The following GNAL variants were observed in gnomAD, a reference collection of about 807,000 sequenced individuals.
GNAL encodes the protein G protein subunit alpha L.
GNAL carries 18 observed loss-of-function variants against 55.1 expected under a neutral mutation model. The observed-to-expected ratio is 0.33, with a 90% CI of 0.23 to 0.48. The LOEUF (loss-of-function observed/expected upper bound fraction) is 0.48, where lower values mean the gene tolerates loss of function less well. GNAL is among the 20% of genes least tolerant of loss of function. The pLI is 0.99. For synonymous variants in GNAL, 253 were observed against 237.0 expected (o/e 1.07, Z -0.62); for missense variants, 412 against 614.1 (o/e 0.67, Z 3.48).
chr18:11,773,903 A>G (rs1005757541), intron 4 of GNAL, among the ~76,000 whole-genome samples: 3 of 152,198 alleles, frequency 2.0e-5, no homozygotes, highest in South Asian at 2.1e-4. Flanking sequence ...AGACTTTGCA[A>G]TTGGTCTCAC....
At chr18:11,840,493 G>C (rs753991973) in intron 5 of GNAL, among the ~76,000 whole-genome samples, 3 of 152,234 alleles carry the variant, frequency 2.0e-5, no homozygotes, top group Non-Finnish European at 4.4e-5. Flanking sequence ...CAGCAGAGGT[G>C]AACACTGATG....
intron 1 of GNAL, among the ~76,000 whole-genome samples, chr18:11,691,701 C>T (rs2031252921): frequency 1.3e-5 from 2 of 152,120 alleles, no homozygotes; most frequent in Non-Finnish European, 2.9e-5. Context: ...TTCCCAGCAT[C>T]ATTTATTAAA....
rs1189839787 is a variant in GNAL at position 11,753,679 on chromosome 18, C to T, written c.501C>T (p.Ile167=). The T allele has an allele frequency of 2.1e-5, 33 of 1,591,208 alleles. No individual in the cohort carries two copies. The highest frequency in any genetic ancestry group is 2.6e-5 in the Non-Finnish European group (30 of 1,159,326). ...TCCGGAAAAATGTTAAAGATGCTATCGTGGTAAGGACTTTTTTAAATGATT... is the reference window on the plus strand; with the variant it reads ...TCCGGAAAAATGTTAAAGATGCTATTGTGGTAAGGACTTTTTTAAATGATT... ...LDIRKNVKDA[I]VTIVSAMSTI... is the part of the protein sequence containing the mutation. Residue 167 remains isoleucine, a synonymous_variant, in exon 3 of 12, where the codon ATC becomes ATT. Transcript: ENST00000334049.
Position 11,751,765 on chromosome 18 carries a change from G to T in GNAL, c.377-1088G>T, listed in dbSNP as rs531550231. The T allele has an allele frequency of 5.0e-6, 3 of 604,934 alleles. No homozygotes were observed. The South Asian group carries it at 2.1e-4, about 43-fold the overall frequency. 37.5% of individuals were successfully genotyped at this position (604,934 alleles called of 1,614,324 possible). Reference sequence around the variant, plus strand: ...GTCAGCTCCCTGACCCCTACAGCGCGGTAGCGCCTCTCCGAGAGCTCCGGG... The same window carrying T: ...GTCAGCTCCCTGACCCCTACAGCGCTGTAGCGCCTCTCCGAGAGCTCCGGG... On this transcript the variant is annotated intron_variant, in intron 1 of 11. Transcript: ENST00000334049. This position sits in a 1 kb window ranked among gnomAD's most constrained non-coding sequence, Gnocchi z 4.5.
chr18:11,877,459 AAAAC>A, intron 11 of GNAL, among the ~76,000 whole-genome samples: 1 of 151,798 alleles, frequency 6.6e-6, no homozygotes, highest in South Asian at 2.1e-4. Flanking sequence ...TGTCTCAAAC[AAAAC>A]AAACAAAACT....
chr18:11,697,290 C>T (rs1345656359), intron 1 of GNAL, among the ~76,000 whole-genome samples: 1 of 152,000 alleles, frequency 6.6e-6, no homozygotes, highest in Non-Finnish European at 1.5e-5. Flanking sequence ...GTAATCCCAG[C>T]GCTTTGGGAG....
chr18:11,747,347 C>G (rs1401342187), intron 1 of GNAL: 1 of 187,698 alleles, frequency 5.3e-6, no homozygotes, highest in Non-Finnish European at 1.1e-5. Context: ...TAAGGTGTTA[C>G]AGGAATATGT....
intron 1 of GNAL, among the ~76,000 whole-genome samples, chr18:11,723,200 TA>T (rs910691758): frequency 1.3e-5 from 2 of 151,992 alleles, no homozygotes; most frequent in African/African-American, 4.8e-5. Flanking sequence ...AATAAAAAAA[TA>T]AAACGTTGTA....
rs2143866740 is a variant in GNAL at position 11,868,129 on chromosome 18, A to G, written c.911-414A>G. Among the ~76,000 whole-genome samples the G allele has an allele frequency of 6.6e-6, 1 of 152,076 alleles. No homozygotes were observed. The highest frequency in any genetic ancestry group is 3.4e-3 in the Middle Eastern group (1 of 294). On this transcript the variant is annotated intron_variant, in intron 8 of 11. Coordinates refer to ENST00000334049, the MANE Select transcript of GNAL (RefSeq NM_182978.4). This position sits in a 1 kb window ranked among gnomAD's most constrained non-coding sequence, Gnocchi z 4.0. Reference sequence around the variant, plus strand: ...AACAAGAGTGAAACTCTGTCTCGGAAGAAAATACAAAAATACAAAAATTAG... The same window carrying G: ...AACAAGAGTGAAACTCTGTCTCGGAGGAAAATACAAAAATACAAAAATTAG...
At chr18:11,859,163 C>T (rs200612044) in intron 5 of GNAL, among the ~76,000 whole-genome samples, 2 of 152,182 alleles carry the variant, frequency 1.3e-5, no homozygotes, top group East Asian at 3.9e-4. Context: ...CCTTCCAGCT[C>T]TTTTCATCAG....
rs1003295510 is a variant in GNAL, at chr18:11,884,668, A to G, written c.*3533A>G. 7.0e-6 allele frequency: 11 copies of G among 1,582,338 alleles called. No individual in the cohort carries two copies. The East Asian group carries it at 1.3e-4, about 19-fold the overall frequency. On this transcript the variant is annotated 3_prime_UTR_variant, in exon 12 of 12. Coordinates refer to ENST00000334049, the MANE Select transcript of GNAL (RefSeq NM_182978.4). Reference sequence around the variant, plus strand: ...GAAAGTTATGCTGAGAGCACCAGGCACACGTTGAACACCGCAGTCTTAGAA... The same window carrying G: ...GAAAGTTATGCTGAGAGCACCAGGCGCACGTTGAACACCGCAGTCTTAGAA...
At chr18:11,695,063 C>A (rs763541549) in intron 1 of GNAL, among the ~76,000 whole-genome samples, 20 of 151,956 alleles carry the variant, frequency 1.3e-4, no homozygotes, top group Non-Finnish European at 2.5e-4. Flanking sequence ...GGGGTTAGGG[C>A]TTCAACATAT....
At chr18:11,848,213 C>T (rs912335190) in intron 5 of GNAL, among the ~76,000 whole-genome samples, 2 of 152,008 alleles carry the variant, frequency 1.3e-5, no homozygotes, top group Admixed American at 6.6e-5. Flanking sequence ...TATTGAACAC[C>T]GTGGAAATGG....
chr18:11,767,375 C>T (rs994366856), intron 4 of GNAL, among the ~76,000 whole-genome samples: 4 of 151,792 alleles, frequency 2.6e-5, no homozygotes, highest in Non-Finnish European at 4.4e-5. Flanking sequence ...TGCACACTTA[C>T]ACTTGCACAC....
intron 5 of GNAL, among the ~76,000 whole-genome samples, chr18:11,856,430 C>T (rs767539103): frequency 5.3e-5 from 8 of 151,146 alleles, no homozygotes; most frequent in Non-Finnish European, 8.8e-5. Context: ...GATAGTGCCT[C>T]GAGCTTTCTG....
intron 8 of GNAL, 92 bp downstream of exon 8, chr18:11,867,318 A>C: frequency 5.0e-6 from 4 of 793,902 alleles, no homozygotes; most frequent in Non-Finnish European, 8.9e-6. Flanking sequence ...ATAATCTCTA[A>C]CTAATATGTA....
At chr18:11,865,464 T>G (rs2036241384) in intron 7 of GNAL, among the ~76,000 whole-genome samples, 1 of 148,948 alleles carries the variant, frequency 6.7e-6, no homozygotes, top group South Asian at 2.1e-4. Context: ...CAAAGCTTCC[T>G]TCAGGCCAGG....
chr18:11,788,914 A>AAAAAAATATATATAT (rs60071996), intron 4 of GNAL, among the ~76,000 whole-genome samples: 3 of 56,298 alleles, frequency 5.3e-5, no homozygotes, highest in African/African-American at 3.0e-4. Context: ...AAAAAAAAAA[A>AAAAAAATATATATAT]ATATATATAT....
At chr18:11,861,205 C>T (rs972994349) in intron 5 of GNAL, among the ~76,000 whole-genome samples, 3 of 152,212 alleles carry the variant, frequency 2.0e-5, no homozygotes, top group South Asian at 2.1e-4. Context: ...CAGGGCCTCC[C>T]GTCAACGCCA....
Sources: gnomAD v4.1 joint callset for allele counts (sites outside exome capture counted in the v4.1 genomes callset) on GRCh38, gnomAD v4.1.1 for gene constraint, Gnocchi (gnomAD v3.1) non-coding constraint, MANE v1.5 for transcripts, NCBI Gene and HGNC (gene_info 2026-07-23, HGNC 2026-07-21) for gene names.